The following NCAM2 variants were observed in gnomAD, a reference collection of about 807,000 sequenced individuals.
The protein encoded by NCAM2 is neural cell adhesion molecule 2, also known as N-CAM-2.
NCAM2 carries 30 observed loss-of-function variants against 98.1 expected under a neutral mutation model. The ratio of observed to expected loss-of-function variants is 0.31; its 90% CI spans 0.23 to 0.41. The LOEUF is 0.41. Ranked by LOEUF, NCAM2 falls within the 10% of genes least tolerant of loss-of-function variation. The probability of loss-of-function intolerance (pLI) is 1.00; values close to 1 mark genes in which losing one functional copy is unlikely to be tolerated. For synonymous variants in NCAM2, 368 were observed against 342.4 expected (o/e 1.07, Z -0.83); for missense variants, 867 against 1,005.8 (o/e 0.86, Z 1.87).
chr21:21,107,556 T>C (rs2066374330), intron 1 of NCAM2, among the ~76,000 whole-genome samples: 1 of 152,108 alleles, frequency 6.6e-6, no homozygotes, highest in African/African-American at 2.4e-5. Context: ...AATTTCCTAC[T>C]TAATTTTTGA....
intron 6 of NCAM2, among the ~76,000 whole-genome samples, chr21:21,335,258 A>C (rs1270830169): frequency 6.6e-6 from 1 of 152,122 alleles, no homozygotes; most frequent in Non-Finnish European, 1.5e-5. Flanking sequence ...CCTGGTAACT[A>C]TTAAGATTTT....
intron 15 of NCAM2, among the ~76,000 whole-genome samples, chr21:21,506,451 T>A (rs1174281309): frequency 2.6e-5 from 4 of 152,140 alleles, no homozygotes; most frequent in Non-Finnish European, 5.9e-5. Flanking sequence ...TGATTTTTTT[T>A]AACTGCAAAC....
chr21:21,257,932 G>C (rs1362565191), intron 1 of NCAM2, among the ~76,000 whole-genome samples: 1 of 152,132 alleles, frequency 6.6e-6, no homozygotes, highest in Non-Finnish European at 1.5e-5. Flanking sequence ...ATGGTGAAGA[G>C]GTGAGATCCA....
chr21:21,382,277 A>T (rs1020787348), intron 9 of NCAM2, among the ~76,000 whole-genome samples: 4 of 152,082 alleles, frequency 2.6e-5, no homozygotes, highest in African/African-American at 9.7e-5. Context: ...CTATTTCTGC[A>T]ATTTTTTTGT....
At chr21:21,362,457 A>G (rs896676291) in intron 8 of NCAM2, among the ~76,000 whole-genome samples, 1 of 151,818 alleles carries the variant, frequency 6.6e-6, no homozygotes, top group Non-Finnish European at 1.5e-5. Flanking sequence ...ACAGTGCTGC[A>G]ATCAAGGCTC....
At chr21:21,018,356 A>G (rs1258137649) in intron 1 of NCAM2, among the ~76,000 whole-genome samples, 1 of 152,192 alleles carries the variant, frequency 6.6e-6, no homozygotes, top group African/African-American at 2.4e-5. Context: ...ACTGTAATTG[A>G]ACTGCATGCG....
In NCAM2 at chr21:21,333,566, C is replaced by A. The variant is rs532609046; in HGVS notation, c.738-1939C>A. On this transcript the variant is annotated intron_variant, in intron 6 of 17. Coordinates refer to ENST00000400546, the MANE Select transcript of NCAM2 (RefSeq NM_004540.5). Reference sequence around the variant, plus strand: ...TGTTTTATATGAAGTAAGGAGATAACCCTCTTTTTTAGAAAGAACATTGGA... The same window carrying A: ...TGTTTTATATGAAGTAAGGAGATAAACCTCTTTTTTAGAAAGAACATTGGA... 5.3e-5 allele frequency among the ~76,000 whole-genome samples: 8 copies of A among 152,230 alleles called. No homozygotes were observed. In the South Asian group the frequency reaches 8.3e-4, roughly 16 times the overall value.
At chr21:21,010,216 A>G (rs917347010) in intron 1 of NCAM2, among the ~76,000 whole-genome samples, 4 of 152,008 alleles carry the variant, frequency 2.6e-5, no homozygotes, top group Non-Finnish European at 5.9e-5. Flanking sequence ...TTTATTTCAA[A>G]GCCCCCTCAT....
intron 9 of NCAM2, among the ~76,000 whole-genome samples, chr21:21,374,528 G>A (rs573119121): frequency 2.0e-5 from 3 of 151,784 alleles, no homozygotes; most frequent in Non-Finnish European, 4.4e-5. Context: ...GCATGACAAG[G>A]ATAGTTTTTA....
chr21:21,512,699 A>G (rs112311136), intron 16 of NCAM2, among the ~76,000 whole-genome samples: 6 of 152,136 alleles, frequency 3.9e-5, no homozygotes, highest in African/African-American at 1.4e-4. Context: ...TTTTGACAAC[A>G]TTTATTGTTT....
At chr21:21,116,141 C>G (rs1238901732) in intron 1 of NCAM2, among the ~76,000 whole-genome samples, 1 of 151,778 alleles carries the variant, frequency 6.6e-6, no homozygotes, top group Non-Finnish European at 1.5e-5. Flanking sequence ...TATTTTCTTG[C>G]GTTTATTAGT....
At chr21:21,218,083 A>G (rs1190806078) in intron 1 of NCAM2, among the ~76,000 whole-genome samples, 1 of 152,210 alleles carries the variant, frequency 6.6e-6, no homozygotes, top group African/African-American at 2.4e-5. Context: ...GAAACTGTGA[A>G]ATAATAAATG....
intron 15 of NCAM2, among the ~76,000 whole-genome samples, chr21:21,501,440 A>T (rs546888175): frequency 6.6e-6 from 1 of 152,110 alleles, no homozygotes; most frequent in African/African-American, 2.4e-5. Context: ...GGATGAAATT[A>T]TATAAGGGAA....
chr21:21,059,629 A>T (rs1312140162), intron 1 of NCAM2, among the ~76,000 whole-genome samples: 2 of 152,148 alleles, frequency 1.3e-5, no homozygotes, highest in East Asian at 3.9e-4. Flanking sequence ...CATTTTATTG[A>T]CAAGTTAAAA....
At chr21:21,200,069 G>C (rs1219173779) in intron 1 of NCAM2, among the ~76,000 whole-genome samples, 1 of 152,062 alleles carries the variant, frequency 6.6e-6, no homozygotes, top group Non-Finnish European at 1.5e-5. Flanking sequence ...CTCTGTCTCT[G>C]TCTCTCTCTT....
chr21:21,046,992 A>G (rs1455565633), intron 1 of NCAM2, among the ~76,000 whole-genome samples: 1 of 152,166 alleles, frequency 6.6e-6, no homozygotes, highest in Non-Finnish European at 1.5e-5. Context: ...CCTTTATTGT[A>G]TTAAATAAGA....
intron 12 of NCAM2, among the ~76,000 whole-genome samples, chr21:21,448,648 A>G (rs1178714631): frequency 6.6e-6 from 1 of 152,066 alleles, no homozygotes; most frequent in African/African-American, 2.4e-5. Flanking sequence ...CTATGATTAC[A>G]CTATTTCTAA....
At chr21:21,141,084 ATT>A (rs1212253598) in intron 1 of NCAM2, among the ~76,000 whole-genome samples, 4 of 152,204 alleles carry the variant, frequency 2.6e-5, no homozygotes, top group Non-Finnish European at 5.9e-5. Context: ...AGCATTGTAC[ATT>A]TTTGTAACCT....
chr21:21,356,510 C>G (rs1353339061), intron 8 of NCAM2, among the ~76,000 whole-genome samples: 1 of 151,576 alleles, frequency 6.6e-6, no homozygotes, highest in Non-Finnish European at 1.5e-5. Context: ...TTTTTTTATT[C>G]TTAAGAAAAT....
Sources: gnomAD v4.1 joint callset for allele counts (sites outside exome capture counted in the v4.1 genomes callset) on GRCh38, gnomAD v4.1.1 for gene constraint, MANE v1.5 for transcripts, NCBI Gene and HGNC (gene_info 2026-07-23, HGNC 2026-07-21) for gene names.